Variants in TECR observed in about 807,000 individuals in gnomAD.
TECR encodes the protein very-long-chain enoyl-CoA reductase.
In TECR, 19 loss-of-function variants were observed where a neutral mutation model predicts 50.6. That is an observed-to-expected ratio of 0.38 (90% CI 0.26 to 0.55). TECR has a LOEUF of 0.55. Among genes scored for constraint, TECR ranks in the 20% least tolerant of loss-of-function variants. The pLI is 0.79. For missense variants in TECR, 313 were observed against 408.3 expected (o/e 0.77, Z 2.01); for synonymous variants, 168 against 163.5 (o/e 1.03, Z -0.21).
chr19:14,560,620 T>TG (rs1275283452), intron 1 of TECR, among the ~76,000 whole-genome samples: 2 of 152,200 alleles, frequency 1.3e-5, no homozygotes, highest in African/African-American at 4.8e-5. Flanking sequence ...CGCTGTGGCT[T>TG]GGAGGAGTTC....
intron 2 of TECR, among the ~76,000 whole-genome samples, chr19:14,562,791 G>A (rs113643214): frequency 0.014 from 2,142 of 152,218 alleles, 48 homozygotes; most frequent in African/African-American, 0.048. Flanking sequence ...GGGGATTTTG[G>A]TCCTGGGAGG....
intron 1 of TECR, among the ~76,000 whole-genome samples, chr19:14,536,324 C>T (rs970151884): frequency 2.3e-4 from 35 of 149,446 alleles, no homozygotes; most frequent in African/African-American, 7.5e-4. Flanking sequence ...GGCTGGAGTG[C>T]AGTGGTGCCA....
chr19:14,553,212 G>C (rs2073599267), intron 1 of TECR, among the ~76,000 whole-genome samples: 1 of 152,168 alleles, frequency 6.6e-6, no homozygotes, highest in African/African-American at 2.4e-5. Flanking sequence ...TGCTGGATGG[G>C]AACAGCAGCT....
chr19:14,541,121 C>T (rs1207538160), intron 1 of TECR, among the ~76,000 whole-genome samples: 4 of 152,190 alleles, frequency 2.6e-5, no homozygotes, highest in East Asian at 1.9e-4. Context: ...CCACTGTTCC[C>T]GGCCAGTGCC....
intron 1 of TECR, among the ~76,000 whole-genome samples, chr19:14,542,297 A>G (rs989371954): frequency 1.7e-5 from 2 of 118,320 alleles, no homozygotes; most frequent in Admixed American, 1.8e-4. Flanking sequence ...AAGATTCCCT[A>G]TTGGAGGGCA....
Position 14,545,377 on chromosome 19 carries a change from C to T in TECR, c.15+15666C>T, listed in dbSNP as rs181750633. On this transcript the variant is annotated intron_variant, in intron 1 of 12. Coordinates refer to ENST00000215567, the MANE Select transcript of TECR (RefSeq NM_138501.6). ...TCCCATTTCCTCAGCAGGGTCCTCC[C>T]GGGCACACCCACTGTGGCCCTCTGG... is the stretch of plus-strand genomic sequence containing the variant. Among the ~76,000 whole-genome samples the T allele has an allele frequency of 1.5e-3, 231 of 151,942 alleles. 5 individuals are homozygous for T. The highest frequency in any genetic ancestry group is 2.5e-3 in the South Asian group (12 of 4,792).
chr19:14,556,174 C>CT (rs1432570966), intron 1 of TECR, among the ~76,000 whole-genome samples: 2 of 152,230 alleles, frequency 1.3e-5, no homozygotes, highest in African/African-American at 4.8e-5. Context: ...TCAGGCCACA[C>CT]AGGACTCCTT....
At chr19:14,559,564 A>G (rs779997586) in intron 1 of TECR, among the ~76,000 whole-genome samples, 22 of 152,120 alleles carry the variant, frequency 1.4e-4, no homozygotes, top group South Asian at 4.1e-4. Context: ...GAGGTGGTGG[A>G]TTGCCTGAGC....
At chr19:14,532,009 G>GGA (rs2072687157) in intron 1 of TECR, 1 of 62,364 alleles carries the variant, frequency 1.6e-5, no homozygotes, top group African/African-American at 5.0e-5. Flanking sequence ...CCTGTTTGAA[G>GGA]AAAAAAAAAA....
chr19:14,529,335 A>AG, upstream of TECR: 1 of 445,718 alleles, frequency 2.2e-6, no homozygotes, highest in Non-Finnish European at 4.2e-6. Context: ...CGACGCCATC[A>AG]GGGGGCGTGG....
At position 14,538,899 on chromosome 19, in the gene TECR, A is replaced by ATG. The variant is rs375814066; in HGVS notation, c.15+9189_15+9190dup. Among the ~76,000 whole-genome samples, 99 of 152,018 alleles carry ATG rather than the reference A, an allele frequency of 6.5e-4. No individual in the cohort carries two copies. In the East Asian group the frequency reaches 0.019, roughly 29 times the overall value. On this transcript the variant is annotated intron_variant, in intron 1 of 12. Coordinates refer to ENST00000215567, the MANE Select transcript of TECR (RefSeq NM_138501.6). ...AGGAGACAGACTGATGTCAAATCAT[A>ATG]TGCCCAGAAGGTGGAGGAAGAAGCC...
At chr19:14,542,449 C>G (rs1184831456) in intron 1 of TECR, among the ~76,000 whole-genome samples, 2 of 149,232 alleles carry the variant, frequency 1.3e-5, no homozygotes, top group Non-Finnish European at 3.0e-5. Context: ...GCAACCTCCG[C>G]CTCCCGGGTT....
chr19:14,549,366 C>A (rs1015340505), intron 1 of TECR, among the ~76,000 whole-genome samples: 6 of 152,012 alleles, frequency 3.9e-5, no homozygotes, highest in Admixed American at 3.9e-4. Flanking sequence ...GCATGCGCCA[C>A]CATGCCCAGC....
At chr19:14,544,762 A>G (rs2073244544) in intron 1 of TECR, among the ~76,000 whole-genome samples, 1 of 151,650 alleles carries the variant, frequency 6.6e-6, no homozygotes, top group Non-Finnish European at 1.5e-5. Context: ...CCTCCCAAGT[A>G]GCTGAGACCA....
In TECR at chr19:14,562,568, T is replaced by C; in HGVS notation, c.59T>C (p.Leu20Ser). 6.2e-7 allele frequency: 1 copy of C among 1,614,170 alleles called. No homozygotes were observed. Among genetic ancestry groups the C allele is most frequent in the Admixed American group, 1.7e-5 (1 of 60,028 alleles). ...AAGACAAGGGAGAAGCTGTGTTTCT[T>C]GGACAAGGTAGGACTGGGGCGTGGG... The part of the protein sequence containing the change: ...DAKTREKLCF[L>S]DKVEPHATIA... Residue 20 changes from leucine (L) to serine (S), a missense_variant, in exon 2 of 13, where the codon TTG becomes TCG. Physicochemically the swap from Leu to Ser is moderately radical, Grantham distance 145 (BLOSUM62 -2). Transcript: ENST00000215567.
chr19:14,560,850 C>G (rs1334757868), intron 1 of TECR, among the ~76,000 whole-genome samples: 1 of 152,178 alleles, frequency 6.6e-6, no homozygotes, highest in Non-Finnish European at 1.5e-5. Flanking sequence ...AACCCACGGG[C>G]AACAATGCCT....
intron 1 of TECR, among the ~76,000 whole-genome samples, chr19:14,552,086 A>G (rs1599466722): frequency 6.8e-6 from 1 of 146,210 alleles, no homozygotes; most frequent in Non-Finnish European, 1.5e-5. Context: ...CAGTCCATCT[A>G]CCTTGGCCTC....
intron 1 of TECR, among the ~76,000 whole-genome samples, chr19:14,546,821 C>G (rs2073323715): frequency 6.6e-6 from 1 of 152,142 alleles, no homozygotes. Context: ...TCCCAGGTAG[C>G]TGGGACTACA....
chr19:14,553,109 T>A (rs1275433403), intron 1 of TECR, among the ~76,000 whole-genome samples: 1 of 152,080 alleles, frequency 6.6e-6, no homozygotes, highest in Non-Finnish European at 1.5e-5. Flanking sequence ...ATTCATCCTC[T>A]ATGAATGGCT....
Sources: gnomAD v4.1 joint callset for allele counts (sites outside exome capture counted in the v4.1 genomes callset) on GRCh38, gnomAD v4.1.1 for gene constraint, MANE v1.5 for transcripts, NCBI Gene and HGNC (gene_info 2026-07-23, HGNC 2026-07-21) for gene names.